ADGB: variants seen among roughly 807,000 people sequenced by gnomAD.
ADGB encodes the protein calpain-7-like protein.
Under a neutral mutation model 210.5 loss-of-function variants are expected in ADGB, and 172 were observed. That is an observed-to-expected ratio of 0.82 (90% confidence interval 0.72 to 0.93). The LOEUF (loss-of-function observed/expected upper bound fraction) is 0.93. Among genes scored for constraint, ADGB ranks in the 40% least tolerant of loss-of-function variants. The pLI, the probability that ADGB is intolerant of heterozygous loss-of-function variation, is 0.00. For synonymous variants in ADGB, 658 were observed against 662.7 expected (o/e 0.99, Z 0.11); for missense variants, 2,025 against 1,964.8 (o/e 1.03, Z -0.58).
chr6:146,672,903 G>T lies in ADGB; in HGVS notation c.1087+436G>T, dbSNP rs566254184. On this transcript the variant is annotated intron_variant, in intron 8 of 35. Coordinates refer to ENST00000397944, the MANE Select transcript of ADGB (RefSeq NM_024694.4). Reference sequence around the variant, plus strand: ...GCACCACCACGCCCAGCTAATTTTTGTGTTTTTAGTAGAGACAGGGTTTCA... The same window carrying T: ...GCACCACCACGCCCAGCTAATTTTTTTGTTTTTAGTAGAGACAGGGTTTCA... Among the ~76,000 whole-genome samples, 8 of 151,680 alleles carry T rather than the reference G, an allele frequency of 5.3e-5. No homozygotes were observed. The East Asian group carries it at 1.4e-3, about 26-fold the overall frequency.
At chr6:146,724,421 C>T in intron 18 of ADGB, 94 bp downstream of exon 18, 4 of 1,279,910 alleles carry the variant, frequency 3.1e-6, no homozygotes, top group East Asian at 2.7e-5. Context: ...GACTCTAAGA[C>T]ATTGTTTCTC....
At chr6:146,601,714 G>A (rs530256812) in intron 1 of ADGB, among the ~76,000 whole-genome samples, 3 of 152,272 alleles carry the variant, frequency 2.0e-5, no homozygotes, top group East Asian at 3.9e-4. Context: ...CCTTGAAAAC[G>A]GCTATGCAAT....
At chr6:146,797,524 T>TACAC (rs1013799648) in intron 33 of ADGB, among the ~76,000 whole-genome samples, 1 of 151,860 alleles carries the variant, frequency 6.6e-6, no homozygotes, top group Non-Finnish European at 1.5e-5. Flanking sequence ...TATACATATA[T>TACAC]ACACACACAC....
intron 11 of ADGB, 110 bp from the exon 12 acceptor site, chr6:146,692,715 G>T (rs1193360873): frequency 1.4e-5 from 7 of 496,434 alleles, no homozygotes; most frequent in Admixed American, 7.6e-5. Context: ...ATTGAAATTT[G>T]CTGAGTAAAT....
Position 146,664,239 on chromosome 6 carries a change from T to C in ADGB, c.651T>C (p.Pro217=), listed in dbSNP as rs1775905672. The C allele has an allele frequency of 1.9e-6, 3 of 1,548,468 alleles. No individual in the cohort carries two copies. In the African/African-American group the frequency reaches 4.1e-5, roughly 21 times the overall value. The part of the protein sequence containing the change: ...WRKITIDDFL[P]FDEDNNLLLP... The stretch of plus-strand genomic sequence containing the variant: ...AGATAACAATTGATGACTTTTTGCC[T>C]TTTGATGAAGATAACAATCTATTGC... The change falls in exon 6 of 36, where the codon CCT becomes CCC. Residue 217 remains proline (P), a synonymous_variant. Coordinates refer to ENST00000397944, the MANE Select transcript of ADGB (RefSeq NM_024694.4).
intron 25 of ADGB, among the ~76,000 whole-genome samples, chr6:146,744,118 C>T (rs1256427803): frequency 1.3e-5 from 2 of 152,068 alleles, no homozygotes; most frequent in African/African-American, 2.4e-5. Context: ...TAATTCTGAC[C>T]CACAAAACAT....
chr6:146,772,541 G>A (rs900859468), intron 29 of ADGB, among the ~76,000 whole-genome samples: 11 of 146,894 alleles, frequency 7.5e-5, no homozygotes, highest in South Asian at 2.1e-4. Context: ...CTGGTTTCAC[G>A]TCTTTATTTG....
intron 33 of ADGB, among the ~76,000 whole-genome samples, chr6:146,792,960 G>A (rs1426696772): frequency 5.3e-5 from 8 of 152,124 alleles, no homozygotes; most frequent in Admixed American, 5.2e-4. Context: ...CTTAAAGATG[G>A]CATGGACCCA....
chr6:146,745,289 T>C (rs1777212493), intron 25 of ADGB, among the ~76,000 whole-genome samples: 1 of 152,168 alleles, frequency 6.6e-6, no homozygotes, highest in Non-Finnish European at 1.5e-5. Context: ...TATTATGATA[T>C]CATGCTTTTG....
intron 28 of ADGB, among the ~76,000 whole-genome samples, chr6:146,766,374 C>T (rs1263542262): frequency 6.6e-6 from 1 of 151,706 alleles, no homozygotes; most frequent in Non-Finnish European, 1.5e-5. Context: ...TTACAGCGAG[C>T]CGAGATTGTA....
At position 146,763,904 on chromosome 6, in the gene ADGB, G is replaced by T. The variant is rs1258103014; in HGVS notation, c.3554G>T (p.Ser1185Ile). The change falls in exon 28 of 36, where the codon AGC becomes ATC. Residue 1185 changes from serine (S) to isoleucine (I), a missense_variant. Transcript: ENST00000397944. ...ACTTAGTATTTCTCCTATTCAGCTA[G>T]CAAGCACATTCTTTCATTTCACTCT... ...KSEKGLSSQS[S>I]KHILSFHSAS... 6.5e-7 allele frequency: 1 copy of T among 1,549,810 alleles called. No individual in the cohort carries two copies. Among genetic ancestry groups the T allele is most frequent in the Admixed American group, 2.0e-5 (1 of 50,744 alleles).
At chr6:146,621,549 G>A (rs1780896364) in intron 1 of ADGB, among the ~76,000 whole-genome samples, 1 of 152,102 alleles carries the variant, frequency 6.6e-6, no homozygotes, top group South Asian at 2.1e-4. Flanking sequence ...GCCAGCTTGG[G>A]AGAGGGGCTG....
At position 146,656,854 on chromosome 6, in the gene ADGB, T is replaced by A. The variant is rs1201375156; in HGVS notation, c.486T>A (p.Thr162=). ...GGILSNYFKG[T]SGEPPLLPWK... is the part of the protein sequence containing the mutation. ...TTTTGAGCAATTATTTTAAGGGGAC[T>A]TCAGGGGAACCTCCTCTTCTCCCCT... The change falls in exon 5 of 36, where the codon ACT becomes ACA. Residue 162 remains threonine (T), a synonymous_variant. Transcript: ENST00000397944. The A allele has an allele frequency of 1.9e-6, 3 of 1,551,542 alleles. No homozygotes were observed. The highest frequency in any genetic ancestry group is 2.7e-5 in the African/African-American group (2 of 73,030).
intron 1 of ADGB, among the ~76,000 whole-genome samples, chr6:146,603,061 A>C (rs1410404834): frequency 6.6e-6 from 1 of 152,158 alleles, no homozygotes; most frequent in Admixed American, 6.5e-5. Flanking sequence ...TCCCATCATG[A>C]GGTCCCACCC....
chr6:146,741,041 T>G (rs982078902), intron 24 of ADGB, 77 bp from the exon 25 acceptor site: 3 of 1,199,846 alleles, frequency 2.5e-6, no homozygotes, highest in Non-Finnish European at 3.3e-6. Context: ...TTAAAAAAAT[T>G]TCTTGGCATT....
chr6:146,768,969 A>G (rs1051340920), intron 28 of ADGB, 51 bp from the exon 29 acceptor site: 2 of 977,102 alleles, frequency 2.0e-6, no homozygotes, highest in African/African-American at 3.2e-5. Context: ...GACATTAGGC[A>G]CATACCATGT....
intron 27 of ADGB, among the ~76,000 whole-genome samples, chr6:146,759,077 T>C (rs1489403703): frequency 6.6e-6 from 1 of 151,992 alleles, no homozygotes; most frequent in Non-Finnish European, 1.5e-5. Flanking sequence ...TTACGGTATG[T>C]ATTTCTGGAG....
chr6:146,790,119 T>C (rs1446630251), intron 33 of ADGB, among the ~76,000 whole-genome samples: 1 of 152,144 alleles, frequency 6.6e-6, no homozygotes, highest in East Asian at 1.9e-4. Flanking sequence ...CATGTATAGG[T>C]TATGGAATGA....
chr6:146,691,248 A>T lies in ADGB; in HGVS notation c.1444A>T (p.Ile482Phe). 6.5e-7 allele frequency: 1 copy of T among 1,547,764 alleles called. No individual in the cohort carries two copies. The highest frequency in any genetic ancestry group is 8.7e-7 in the Non-Finnish European group (1 of 1,146,108). The change falls in exon 11 of 36, where the codon ATT (isoleucine) becomes TTT (phenylalanine). Residue 482 changes from isoleucine (I) to phenylalanine (F), a missense_variant. Ile to Phe is a conservative substitution (Grantham distance 21). Coordinates refer to ENST00000397944, the MANE Select transcript of ADGB (RefSeq NM_024694.4). The part of the protein sequence containing the change: ...KPPPLPPWKL[I>F]RQKKETVITD... Reference sequence around the variant, plus strand: ...ACCTCCTCTACCTCCCTGGAAACTCATTCGTCAAAAAAAGGAAACTGTTAT... The same window carrying T: ...ACCTCCTCTACCTCCCTGGAAACTCTTTCGTCAAAAAAAGGAAACTGTTAT...
Sources: gnomAD v4.1 joint callset for allele counts (sites outside exome capture counted in the v4.1 genomes callset) on GRCh38, gnomAD v4.1.1 for gene constraint, MANE v1.5 for transcripts, NCBI Gene and HGNC (gene_info 2026-07-23, HGNC 2026-07-21) for gene names.